DLC1: variants seen among roughly 807,000 people sequenced by gnomAD.
DLC1 encodes the protein DLC1 Rho GTPase activating protein.
A neutral mutation model predicts 140.3 loss-of-function variants in DLC1; 54 were observed. The observed-to-expected ratio is 0.38, with a 90% confidence interval of 0.31 to 0.48. The LOEUF is 0.48. Among genes scored for constraint, DLC1 ranks in the 20% least tolerant of loss-of-function variants. The pLI, the probability that DLC1 is intolerant of heterozygous loss-of-function variation, is 0.96. For synonymous variants in DLC1, 986 were observed against 728.1 expected, an observed-to-expected ratio of 1.35 and a Z score of -5.70; for missense variants, 2,536 against 1,907.0, an observed-to-expected ratio of 1.33 and a Z score of -6.14.
At chr8:13,500,680 T>G (rs1170426131) in intron 1 of DLC1, among the ~76,000 whole-genome samples, 1 of 152,188 alleles carries the variant, frequency 6.6e-6, no homozygotes, top group Admixed American at 6.5e-5. Context: ...GCATGTGTAA[T>G]GTATTAGTGT....
At chr8:13,349,068 T>G (rs1254797522) in intron 4 of DLC1, among the ~76,000 whole-genome samples, 1 of 152,190 alleles carries the variant, frequency 6.6e-6, no homozygotes, top group Admixed American at 6.5e-5. Context: ...GTCGATTTCC[T>G]GTCCGCCAAT....
At chr8:13,120,356 A>AAAAAAAAATATATATATATAT in intron 5 of DLC1, among the ~76,000 whole-genome samples, 5,010 of 59,152 alleles carry the variant, frequency 0.085, 493 homozygotes, top group Non-Finnish European at 0.15. Flanking sequence ...AAAAAAAAAA[A>AAAAAAAAATATATATATATAT]ATATATATAT....
At chr8:13,554,616 A>T (rs1803977571) in intron 1 of DLC1, among the ~76,000 whole-genome samples, 1 of 152,072 alleles carries the variant, frequency 6.6e-6, no homozygotes, top group Non-Finnish European at 1.5e-5. Context: ...CTCACACCTC[A>T]TTCCCAAACC....
At chr8:13,218,393 A>C (rs979550897) in intron 5 of DLC1, among the ~76,000 whole-genome samples, 2 of 152,226 alleles carry the variant, frequency 1.3e-5, no homozygotes, top group African/African-American at 4.8e-5. Flanking sequence ...GCTGGACTTC[A>C]TCAAAATTAA....
intron 7 of DLC1, among the ~76,000 whole-genome samples, chr8:13,104,680 C>T (rs1293170037): frequency 6.6e-6 from 1 of 152,210 alleles, no homozygotes; most frequent in Non-Finnish European, 1.5e-5. Flanking sequence ...CCTGTTCTTG[C>T]TGTTTGCCTA....
chr8:13,482,193 C>A (rs777276121), intron 2 of DLC1, among the ~76,000 whole-genome samples: 2 of 152,158 alleles, frequency 1.3e-5, no homozygotes, highest in Non-Finnish European at 2.9e-5. Flanking sequence ...AAAGGAAATA[C>A]CCCATCTTTC....
intron 1 of DLC1, among the ~76,000 whole-genome samples, chr8:13,599,284 A>C (rs1805785923): frequency 6.6e-6 from 1 of 151,972 alleles, no homozygotes; most frequent in African/African-American, 2.4e-5. Flanking sequence ...TGCCAGCCTC[A>C]TGTCAATAAT....
At chr8:13,415,873 A>T (rs968276706) in intron 2 of DLC1, among the ~76,000 whole-genome samples, 5 of 152,186 alleles carry the variant, frequency 3.3e-5, no homozygotes, top group African/African-American at 1.2e-4. Flanking sequence ...GAAAAGTAGC[A>T]TTATGTAATT....
At chr8:13,483,249 G>A (rs1289452479) in intron 2 of DLC1, among the ~76,000 whole-genome samples, 1 of 152,190 alleles carries the variant, frequency 6.6e-6, no homozygotes, top group Admixed American at 6.5e-5. Flanking sequence ...GGATATCCAG[G>A]ATGATCTCAC....
At chr8:13,524,653 C>T (rs1203836225) in intron 1 of DLC1, among the ~76,000 whole-genome samples, 2 of 151,580 alleles carry the variant, frequency 1.3e-5, no homozygotes, top group Non-Finnish European at 2.9e-5. Context: ...CTTAAAGTTG[C>T]AAAGAAAGGC....
At chr8:13,386,410 T>C (rs1836522124) in intron 4 of DLC1, among the ~76,000 whole-genome samples, 1 of 151,996 alleles carries the variant, frequency 6.6e-6, no homozygotes, top group South Asian at 2.1e-4. Context: ...TGTTCAGAGC[T>C]AAGTATTATA....
chr8:13,088,790 T>C, intron 15 of DLC1, 86 bp from the exon 16 acceptor site: 3 of 1,126,056 alleles, frequency 2.7e-6, no homozygotes, highest in Non-Finnish European at 3.9e-6. Context: ...ACTAACAATT[T>C]TAGTTACATA....
chr8:13,307,217 G>A (rs952687272), intron 4 of DLC1, among the ~76,000 whole-genome samples: 5 of 151,772 alleles, frequency 3.3e-5, no homozygotes, highest in Admixed American at 2.0e-4. Context: ...GGTGTGAACC[G>A]TTTCTCCGCA....
chr8:13,395,011 TATCTATCTATCTATCTATCTATC>T (rs1394014618), intron 3 of DLC1, among the ~76,000 whole-genome samples: 1 of 84,248 alleles, frequency 1.2e-5, no homozygotes, highest in Admixed American at 1.2e-4. Context: ...ATATTCTATC[TATCTATCTATCTATCTATCTATC>T]ATCTATCTAT....
At chr8:13,139,772 C>T (rs528881397) in intron 5 of DLC1, among the ~76,000 whole-genome samples, 1 of 152,214 alleles carries the variant, frequency 6.6e-6, no homozygotes, top group Non-Finnish European at 1.5e-5. Flanking sequence ...CTGATTCTTT[C>T]GTGTGTCCCC....
intron 2 of DLC1, among the ~76,000 whole-genome samples, chr8:13,451,528 C>T (rs1276639409): frequency 6.6e-6 from 1 of 152,302 alleles, no homozygotes; most frequent in South Asian, 2.1e-4. Context: ...TTACCCTTCC[C>T]AGCCTCTGGT....
At chr8:13,418,224 T>C (rs1838160907) in intron 2 of DLC1, among the ~76,000 whole-genome samples, 1 of 152,128 alleles carries the variant, frequency 6.6e-6, no homozygotes, top group South Asian at 2.1e-4. Context: ...TTTAATTAGA[T>C]CCCATTTGTC....
intron 2 of DLC1, among the ~76,000 whole-genome samples, chr8:13,424,511 A>G (rs890935312): frequency 6.6e-6 from 1 of 152,034 alleles, no homozygotes; most frequent in African/African-American, 2.4e-5. Context: ...TAACAATAAA[A>G]TAAAAGTCAG....
At chr8:13,230,758 G>A (rs1487038873) in intron 5 of DLC1, among the ~76,000 whole-genome samples, 3 of 151,652 alleles carry the variant, frequency 2.0e-5, no homozygotes, top group South Asian at 2.1e-4. Flanking sequence ...CACCATGCCC[G>A]CCTAATTTTT....
Sources: gnomAD v4.1 joint callset for allele counts (sites outside exome capture counted in the v4.1 genomes callset) on GRCh38, gnomAD v4.1.1 for gene constraint, MANE v1.5 for transcripts, NCBI Gene and HGNC (gene_info 2026-07-23, HGNC 2026-07-21) for gene names.